The following HAO1 variants were observed in gnomAD, a reference collection of about 807,000 sequenced individuals.
HAO1 encodes the protein 2-Hydroxyacid oxidase 1.
A neutral mutation model predicts 39.7 loss-of-function variants in HAO1; 34 were observed. That is an observed-to-expected ratio of 0.86 (90% CI 0.65 to 1.14). The LOEUF is 1.14. Among genes scored for constraint, HAO1 ranks in the 50% most tolerant of loss-of-function variants. The pLI is 0.00. For synonymous variants in HAO1, 172 were observed against 173.2 expected, an observed-to-expected ratio of 0.99 and a Z score of 0.05; for missense variants, 479 against 464.5, an observed-to-expected ratio of 1.03 and a Z score of -0.29.
intron 2 of HAO1, among the ~76,000 whole-genome samples, chr20:7,920,507 A>G (rs1420870444): frequency 6.6e-6 from 1 of 152,170 alleles, no homozygotes; most frequent in African/African-American, 2.4e-5. Flanking sequence ...AGTACAATAG[A>G]TCACTAAAAC....
At chr20:7,907,042 T>C (rs976005483) in intron 3 of HAO1, among the ~76,000 whole-genome samples, 2 of 152,178 alleles carry the variant, frequency 1.3e-5, no homozygotes, top group Non-Finnish European at 2.9e-5. Flanking sequence ...TGACTGTCTG[T>C]TGCCCCTGTA....
At chr20:7,939,909 G>A (rs540647267) in intron 1 of HAO1, among the ~76,000 whole-genome samples, 6 of 152,158 alleles carry the variant, frequency 3.9e-5, no homozygotes, top group East Asian at 1.9e-4. Context: ...TGGTTCATCC[G>A]GATAAGATGG....
At chr20:7,890,387 T>A (rs1158698088) in intron 5 of HAO1, among the ~76,000 whole-genome samples, 2 of 151,972 alleles carry the variant, frequency 1.3e-5, no homozygotes, top group Non-Finnish European at 2.9e-5. Context: ...CTAATTTTTG[T>A]GTATTTAGTA....
At chr20:7,890,030 A>G (rs1485094570) in intron 5 of HAO1, among the ~76,000 whole-genome samples, 1 of 152,036 alleles carries the variant, frequency 6.6e-6, no homozygotes, top group Non-Finnish European at 1.5e-5. Context: ...CAAGACCTTT[A>G]CCGCTCACAG....
At chr20:7,886,803 G>A (rs2122747092) in intron 5 of HAO1, among the ~76,000 whole-genome samples, 1 of 152,304 alleles carries the variant, frequency 6.6e-6, no homozygotes, top group South Asian at 2.1e-4. Flanking sequence ...GATAACATGT[G>A]AGCAGAGCTG....
chr20:7,930,417 T>C (rs2050380480), intron 2 of HAO1, among the ~76,000 whole-genome samples: 1 of 152,220 alleles, frequency 6.6e-6, no homozygotes, highest in Admixed American at 6.5e-5. Flanking sequence ...CTGCCAAGTA[T>C]GAATATTCTT....
intron 4 of HAO1, among the ~76,000 whole-genome samples, chr20:7,899,020 T>C (rs575886570): frequency 3.0e-4 from 45 of 152,048 alleles, no homozygotes; most frequent in African/African-American, 1.1e-3. Context: ...AGCATACGTA[T>C]AGCTCTCCAG....
intron 2 of HAO1, among the ~76,000 whole-genome samples, chr20:7,917,080 C>T (rs2050310207): frequency 6.6e-6 from 1 of 152,156 alleles, no homozygotes; most frequent in African/African-American, 2.4e-5. Flanking sequence ...TGGCTCTCAT[C>T]TGTAATCCCA....
intron 2 of HAO1, among the ~76,000 whole-genome samples, chr20:7,923,094 T>C (rs911223412): frequency 6.6e-6 from 1 of 152,082 alleles, no homozygotes; most frequent in African/African-American, 2.4e-5. Context: ...TGCCATTCAA[T>C]AGAGGGTTGG....
intron 1 of HAO1, among the ~76,000 whole-genome samples, chr20:7,939,478 T>A (rs1035230867): frequency 1.3e-5 from 2 of 152,192 alleles, no homozygotes; most frequent in African/African-American, 2.4e-5. Context: ...CTTTTTGTCT[T>A]TATCACCATC....
At chr20:7,926,061 G>A (rs1309932633) in intron 2 of HAO1, among the ~76,000 whole-genome samples, 3 of 152,022 alleles carry the variant, frequency 2.0e-5, no homozygotes, top group South Asian at 2.1e-4. Context: ...GTGTGTTTGT[G>A]TGTGTGTGTG....
intron 3 of HAO1, among the ~76,000 whole-genome samples, chr20:7,908,662 G>C (rs2050260837): frequency 6.6e-6 from 1 of 152,138 alleles, no homozygotes; most frequent in Non-Finnish European, 1.5e-5. Context: ...CACGGACTCA[G>C]ATGGCCATTT....
Position 7,883,157 on chromosome 20 carries a change from G to A in HAO1, c.*436C>T, listed in dbSNP as rs1157689864. The A allele has an allele frequency of 6.0e-6, 1 of 166,284 alleles. No homozygotes were observed. The highest frequency in any genetic ancestry group is 2.4e-5 in the African/African-American group (1 of 41,834). The allele number at this position is 166,284 out of a possible 1,614,324, so 10.3% of individuals were successfully genotyped here. On this transcript the variant is annotated 3_prime_UTR_variant, in exon 8 of 8. Transcript: ENST00000378789. ...CTACCTTCTCAAAGTTGTGAATCAG[G>A]CATTACCAACACTTTGAACCTGAGC... is the stretch of plus-strand genomic sequence containing the variant.
chr20:7,892,955 C>T (rs2050180791), intron 5 of HAO1, among the ~76,000 whole-genome samples: 1 of 152,172 alleles, frequency 6.6e-6, no homozygotes, highest in South Asian at 2.1e-4. Flanking sequence ...GCAATTCCCT[C>T]TGTCCTTCTG....
intron 2 of HAO1, among the ~76,000 whole-genome samples, chr20:7,923,900 T>A (rs1286077846): frequency 1.3e-5 from 2 of 152,168 alleles, no homozygotes; most frequent in African/African-American, 4.8e-5. Flanking sequence ...ATATGTGTGA[T>A]GTCCTGAGCA....
intron 3 of HAO1, among the ~76,000 whole-genome samples, chr20:7,911,923 C>A (rs939478282): frequency 1.3e-5 from 2 of 152,216 alleles, no homozygotes; most frequent in Non-Finnish European, 2.9e-5. Context: ...CTGGACCTCC[C>A]GTTAGCATGC....
intron 3 of HAO1, among the ~76,000 whole-genome samples, chr20:7,911,669 G>T (rs906512955): frequency 1.3e-5 from 2 of 152,138 alleles, no homozygotes; most frequent in South Asian, 2.1e-4. Flanking sequence ...CTCTTGCTGG[G>T]CCCAGATGCC....
intron 2 of HAO1, among the ~76,000 whole-genome samples, chr20:7,917,134 G>C (rs1010368747): frequency 2.6e-5 from 4 of 152,048 alleles, no homozygotes; most frequent in African/African-American, 9.7e-5. Flanking sequence ...GAGGTCAGGA[G>C]TTCAAGACCA....
At chr20:7,903,223 G>A (rs189011286) in intron 4 of HAO1, among the ~76,000 whole-genome samples, 36 of 151,348 alleles carry the variant, frequency 2.4e-4, no homozygotes, top group African/African-American at 7.0e-4. Context: ...AAAAGTAGAC[G>A]ATGTAAACTG....
Sources: allele counts gnomAD v4.1 joint callset (sites outside exome capture counted in the v4.1 genomes callset), GRCh38; gene constraint gnomAD v4.1.1; transcripts MANE v1.5; gene names NCBI Gene and HGNC (gene_info 2026-07-23, HGNC 2026-07-21).